The following CAMTA1 variants were observed in gnomAD, a reference collection of about 807,000 sequenced individuals.
CAMTA1 encodes the protein calmodulin-binding transcription activator 1.
In CAMTA1, 27 loss-of-function variants were observed where a neutral mutation model predicts 170.9. That is an observed-to-expected ratio of 0.16 (90% CI 0.12 to 0.22). The LOEUF (loss-of-function observed/expected upper bound fraction) is 0.22. Among genes scored for constraint, CAMTA1 ranks in the 10% least tolerant of loss-of-function variants. CAMTA1 has a pLI of 1.00. For synonymous variants in CAMTA1, 833 were observed against 891.5 expected (o/e 0.93, Z 1.17); for missense variants, 1,619 against 2,217.2 (o/e 0.73, Z 5.42).
intron 5 of CAMTA1, among the ~76,000 whole-genome samples, chr1:7,365,366 A>G (rs1449784063): frequency 6.6e-6 from 1 of 152,174 alleles, no homozygotes; most frequent in African/African-American, 2.4e-5. Context: ...CTGAAATCTC[A>G]TTACTTTAGG....
rs1338922260 is a variant in CAMTA1, at chr1:7,249,057, A to C, written c.303-434A>C. Among the ~76,000 whole-genome samples the C allele has an allele frequency of 6.6e-6, 1 of 152,174 alleles. No homozygotes were observed. Among genetic ancestry groups the C allele is most frequent in the Non-Finnish European group, 1.5e-5 (1 of 68,034 alleles). On this transcript the variant is annotated intron_variant, in intron 4 of 22. Transcript: ENST00000303635. This position sits in a 1 kb window ranked among gnomAD's most constrained non-coding sequence, Gnocchi z 4.4. ...CATAGTCATCTAGCGTCTGCGTTAA[A>C]CTTATTTATTTCCTAATGCTGGGTG...
chr1:6,796,133 T>TG (rs1642439381), intron 1 of CAMTA1, among the ~76,000 whole-genome samples: 1 of 115,458 alleles, frequency 8.7e-6, no homozygotes, highest in South Asian at 3.1e-4. Flanking sequence ...ATAGCATTTC[T>TG]TTTTTTTTTT....
chr1:6,888,177 G>A (rs1349781427), intron 3 of CAMTA1: 20 of 986,590 alleles, frequency 2.0e-5, no homozygotes, highest in Non-Finnish European at 2.4e-5. Flanking sequence ...ACAGTGCAGA[G>A]TCTAAATAAA....
intron 6 of CAMTA1, among the ~76,000 whole-genome samples, chr1:7,606,468 A>G (rs982499064): frequency 2.6e-5 from 4 of 152,242 alleles, no homozygotes; most frequent in African/African-American, 9.6e-5. Flanking sequence ...CAGCTGATAA[A>G]TAACCAGAAA....
intron 11 of CAMTA1, among the ~76,000 whole-genome samples, chr1:7,718,217 G>A (rs967425735): frequency 8.6e-5 from 13 of 151,874 alleles, no homozygotes; most frequent in African/African-American, 1.9e-4. Flanking sequence ...CACAGTGGGC[G>A]TTCCGTAAAC....
At chr1:7,047,352 A>G (rs1705556601) in intron 3 of CAMTA1, among the ~76,000 whole-genome samples, 1 of 152,234 alleles carries the variant, frequency 6.6e-6, no homozygotes, top group Admixed American at 6.5e-5. Flanking sequence ...ACACTTCAGC[A>G]CAGTCTTAAA....
At chr1:7,598,919 G>A (rs1345619182) in intron 6 of CAMTA1, among the ~76,000 whole-genome samples, 11 of 152,184 alleles carry the variant, frequency 7.2e-5, no homozygotes, top group South Asian at 6.2e-4. Flanking sequence ...AGTTTCTTTC[G>A]CTGTGCAGAA....
chr1:7,728,798 T>TA (rs532562694), intron 11 of CAMTA1, among the ~76,000 whole-genome samples: 107 of 152,350 alleles, frequency 7.0e-4, no homozygotes, highest in Non-Finnish European at 1.3e-3. Context: ...TTCAGATTTC[T>TA]AACAAAGAGG....
chr1:7,733,774 C>G (rs1443632456), intron 12 of CAMTA1, among the ~76,000 whole-genome samples: 3 of 152,094 alleles, frequency 2.0e-5, no homozygotes, highest in Non-Finnish European at 4.4e-5. Flanking sequence ...TTATGAACCT[C>G]ATAAATATCA....
chr1:7,195,322 T>C lies in CAMTA1; in HGVS notation c.303-54169T>C, dbSNP rs918836303. ...GCAAGTGGAAATGACAAGTGCGACT[T>C]CATGGCACAGATTTTCGGAGTCCAA... On this transcript the variant is annotated intron_variant, in intron 4 of 22. Coordinates refer to ENST00000303635, the MANE Select transcript of CAMTA1 (RefSeq NM_015215.4). The surrounding 1 kb of genome is among the most constrained non-coding windows in gnomAD (Gnocchi z 4.1). 1.3e-5 allele frequency among the ~76,000 whole-genome samples: 2 copies of C among 152,182 alleles called. No homozygotes were observed. The highest frequency in any genetic ancestry group is 4.8e-5 in the African/African-American group (2 of 41,458).
chr1:7,657,292 G>T (rs1276417306), intron 7 of CAMTA1, among the ~76,000 whole-genome samples: 1 of 152,178 alleles, frequency 6.6e-6, no homozygotes, highest in East Asian at 1.9e-4. Flanking sequence ...CACCACCAAG[G>T]CTCCAACTAT....
At chr1:6,968,666 C>G (rs1388143618) in intron 3 of CAMTA1, among the ~76,000 whole-genome samples, 4 of 152,026 alleles carry the variant, frequency 2.6e-5, no homozygotes, top group African/African-American at 4.8e-5. Context: ...ATCATCCATT[C>G]CCGGTGGGTC....
At chr1:7,576,090 C>T (rs1044504602) in intron 6 of CAMTA1, among the ~76,000 whole-genome samples, 5 of 152,108 alleles carry the variant, frequency 3.3e-5, no homozygotes, top group African/African-American at 2.4e-5. Context: ...CTCACTGCAA[C>T]CTCCACCTCC....
At chr1:7,417,012 G>A (rs1026471616) in intron 5 of CAMTA1, among the ~76,000 whole-genome samples, 15 of 152,218 alleles carry the variant, frequency 9.9e-5, no homozygotes, top group Admixed American at 9.8e-4. Context: ...GTCGGAGTTT[G>A]CTAGAGGTCC....
At chr1:7,107,230 G>A (rs769298750) in intron 4 of CAMTA1, among the ~76,000 whole-genome samples, 1 of 151,400 alleles carries the variant, frequency 6.6e-6, no homozygotes, top group Non-Finnish European at 1.5e-5. Context: ...GTTCCCAGAC[G>A]GCACACGCAG....
intron 7 of CAMTA1, among the ~76,000 whole-genome samples, chr1:7,661,058 C>G (rs887623723): frequency 1.3e-5 from 2 of 152,254 alleles, no homozygotes; most frequent in African/African-American, 2.4e-5. Flanking sequence ...GAGCCCAGCT[C>G]CCGGGGTGGC....
intron 6 of CAMTA1, among the ~76,000 whole-genome samples, chr1:7,480,407 G>A (rs901207433): frequency 2.0e-5 from 3 of 151,770 alleles, no homozygotes; most frequent in Admixed American, 2.0e-4. Context: ...GTGTGTGTGT[G>A]TGTGTGTGTG....
At chr1:7,705,229 G>T (rs954533456) in intron 11 of CAMTA1, among the ~76,000 whole-genome samples, 6 of 151,382 alleles carry the variant, frequency 4.0e-5, no homozygotes, top group African/African-American at 1.5e-4. Context: ...AGGAGCAAGG[G>T]TGAGGGGCTG....
chr1:7,499,058 TGC>T, intron 6 of CAMTA1, among the ~76,000 whole-genome samples: 1 of 146,382 alleles, frequency 6.8e-6, no homozygotes, highest in African/African-American at 2.6e-5. Context: ...GAGCCTGGTG[TGC>T]GTGTGTATGT....
Sources: allele counts gnomAD v4.1 joint callset (sites outside exome capture counted in the v4.1 genomes callset), GRCh38; gene constraint gnomAD v4.1.1; non-coding constraint Gnocchi (gnomAD v3.1); transcripts MANE v1.5; gene names NCBI Gene and HGNC (gene_info 2026-07-23, HGNC 2026-07-21).